Variants in RPH3AL observed in about 807,000 individuals in gnomAD.
The protein encoded by RPH3AL is rab effector Noc2.
In RPH3AL, 38 loss-of-function variants were observed where a neutral mutation model predicts 43.1. That is an observed-to-expected ratio of 0.88 (90% CI 0.68 to 1.15). The LOEUF (loss-of-function observed/expected upper bound fraction) is 1.15. Ranked by LOEUF, RPH3AL falls within the 50% of genes most tolerant of loss-of-function variation. The probability of loss-of-function intolerance (pLI) is 0.00; values close to 1 mark genes in which losing one functional copy is unlikely to be tolerated. For missense variants in RPH3AL, 462 were observed against 423.2 expected (o/e 1.09, Z -0.81); for synonymous variants, 189 against 176.3 (o/e 1.07, Z -0.57).
chr17:243,919 A>ACCTTCCTCTACTGATTAC (rs1567578617), intron 7 of RPH3AL, among the ~76,000 whole-genome samples: 6 of 140,650 alleles, frequency 4.3e-5, no homozygotes, highest in Non-Finnish European at 7.6e-5. Flanking sequence ...TCTATTGATT[A>ACCTTCCTCTACTGATTAC]CCTTCCTCTA....
chr17:214,356 G>T (rs1364097283), intron 9 of RPH3AL, among the ~76,000 whole-genome samples: 1 of 152,216 alleles, frequency 6.6e-6, no homozygotes, highest in Admixed American at 6.5e-5. Flanking sequence ...ACTGGATTTT[G>T]TCTCCCCGGA....
At chr17:315,025 T>C (rs1167914800) in intron 5 of RPH3AL, among the ~76,000 whole-genome samples, 22 of 150,644 alleles carry the variant, frequency 1.5e-4, no homozygotes, top group African/African-American at 4.7e-4. Flanking sequence ...CCACCTCCAT[T>C]GACCTGTAGT....
chr17:314,440 C>T (rs1054138731), intron 5 of RPH3AL, among the ~76,000 whole-genome samples: 2 of 151,200 alleles, frequency 1.3e-5, no homozygotes, highest in Non-Finnish European at 2.9e-5. Flanking sequence ...CCCTCTGCCC[C>T]CACCTCCATT....
At chr17:226,887 AT>A (rs904301794) in intron 7 of RPH3AL, among the ~76,000 whole-genome samples, 6 of 151,788 alleles carry the variant, frequency 4.0e-5, no homozygotes, top group African/African-American at 1.2e-4. Flanking sequence ...AGGCTGATAC[AT>A]TTTTTTTCTC....
chr17:314,977 C>A lies in RPH3AL; in HGVS notation c.351+4443G>T, dbSNP rs867430845. 2.4e-5 allele frequency among the ~76,000 whole-genome samples: 3 copies of A among 124,652 alleles called. No homozygotes were observed. In the South Asian group the frequency reaches 7.9e-4, roughly 33 times the overall value. The allele number at this position is 124,652 out of a possible 152,430, so 81.8% of individuals were successfully genotyped here. ...GCTCCACCTCCATTGACCAGTAGTC[C>A]CTGTGCCCCACCTCCATTGACCTGT... On this transcript the variant is annotated intron_variant, in intron 5 of 9. Coordinates refer to ENST00000331302, the MANE Select transcript of RPH3AL (RefSeq NM_006987.4).
At chr17:271,150 C>G (rs2042454218) in intron 6 of RPH3AL, among the ~76,000 whole-genome samples, 1 of 152,154 alleles carries the variant, frequency 6.6e-6, no homozygotes, top group Admixed American at 6.5e-5. Context: ...TGTTTTGGTA[C>G]CAGTACCATG....
In RPH3AL at chr17:270,349, G is replaced by T. The variant is rs543331189; in HGVS notation, c.438+11419C>A. On this transcript the variant is annotated intron_variant, in intron 6 of 9. Transcript: ENST00000331302. ...CGGTGAGCACAGGCCGCCTGCCCGGGAAGCAGGTGCCGCAAGGATGCTGGG... is the reference window on the plus strand; with the variant it reads ...CGGTGAGCACAGGCCGCCTGCCCGGTAAGCAGGTGCCGCAAGGATGCTGGG... Among the ~76,000 whole-genome samples the T allele has an allele frequency of 2.2e-3, 338 of 152,338 alleles. 2 individuals are homozygous for T. The highest frequency in any genetic ancestry group is 7.5e-3 in the African/African-American group (311 of 41,580).
chr17:331,829 C>A (rs1287613140), intron 2 of RPH3AL: 1 of 1,289,166 alleles, frequency 7.8e-7, no homozygotes, highest in East Asian at 5.5e-5. Context: ...GAGAGCAGTG[C>A]CCTGTGCATT....
intron 7 of RPH3AL, among the ~76,000 whole-genome samples, chr17:237,480 TGAG>T (rs1191485651): frequency 6.6e-6 from 1 of 152,248 alleles, no homozygotes; most frequent in East Asian, 1.9e-4. Context: ...CAGAGAGGCC[TGAG>T]GAGGGACAAT....
intron 5 of RPH3AL, among the ~76,000 whole-genome samples, chr17:295,976 A>G (rs1436296472): frequency 8.8e-6 from 1 of 113,676 alleles, no homozygotes; most frequent in Non-Finnish European, 1.8e-5. Context: ...AATGCACATC[A>G]GTGTGGGAGG....
chr17:268,777 T>G (rs370048824), intron 6 of RPH3AL, among the ~76,000 whole-genome samples: 8 of 152,074 alleles, frequency 5.3e-5, no homozygotes, highest in Admixed American at 3.3e-4. Flanking sequence ...TTACCCAGAC[T>G]GGTCTCAAAC....
chr17:285,034 T>C (rs1334797669), intron 5 of RPH3AL, among the ~76,000 whole-genome samples: 1 of 152,180 alleles, frequency 6.6e-6, no homozygotes, highest in South Asian at 2.1e-4. Flanking sequence ...ATATCACATC[T>C]GCGTGACGGC....
rs2044516129 is a variant in RPH3AL, at chr17:322,781, TCTGTG to T, written c.78-1371_78-1367del. Among the ~76,000 whole-genome samples the T allele has an allele frequency of 3.3e-5, 5 of 152,062 alleles. No individual in the cohort carries two copies. Among genetic ancestry groups the T allele is most frequent in the Non-Finnish European group, 7.3e-5 (5 of 68,028 alleles). ...TCCCGGCTGTTGCAGCTAACGGTTCTCTGTGGCCGACACAATAGGAGTTTGGAAAG... is the reference window on the plus strand; with the variant it reads ...TCCCGGCTGTTGCAGCTAACGGTTCTGCCGACACAATAGGAGTTTGGAAAG... On this transcript the variant is annotated intron_variant, in intron 3 of 9. Transcript: ENST00000331302. The surrounding 1 kb of genome is among the most constrained non-coding windows in gnomAD (Gnocchi z 4.0).
intron 1 of RPH3AL, chr17:338,850 C>T (rs1040687654): frequency 2.6e-5 from 4 of 152,250 alleles, no homozygotes; most frequent in Non-Finnish European, 5.9e-5. Flanking sequence ...GAAAAAGAAG[C>T]CTCAACCCTC....
At chr17:247,036 T>G (rs902589721) in intron 7 of RPH3AL, 75 bp downstream of exon 7, 4 of 1,539,014 alleles carry the variant, frequency 2.6e-6, no homozygotes, top group Non-Finnish European at 3.6e-6. Context: ...ACTGGCCTTG[T>G]GCCTGCAAAC....
intron 4 of RPH3AL, among the ~76,000 whole-genome samples, chr17:320,409 G>A (rs1339560263): frequency 1.3e-5 from 2 of 152,132 alleles, no homozygotes; most frequent in East Asian, 3.9e-4. Flanking sequence ...GCTGAGGCAG[G>A]CGGATCGCTT....
intron 2 of RPH3AL, chr17:331,245 A>C: frequency 2.6e-5 from 1 of 39,124 alleles, no homozygotes; most frequent in South Asian, 2.3e-4. Context: ...GCTTCAGGGC[A>C]GAAGAGCCAC....
At chr17:278,314 C>CCAGCCAT (rs1191439387) in intron 6 of RPH3AL, among the ~76,000 whole-genome samples, 1 of 152,182 alleles carries the variant, frequency 6.6e-6, no homozygotes, top group African/African-American at 2.4e-5. Flanking sequence ...TGAGGCCTCC[C>CCAGCCAT]CAGCCATGTG....
At chr17:315,012 G>A (rs923670904) in intron 5 of RPH3AL, among the ~76,000 whole-genome samples, 26 of 37,454 alleles carry the variant, frequency 6.9e-4, no homozygotes, top group Non-Finnish European at 9.8e-4. Context: ...TAGTCTCTGT[G>A]CTCCACCTCC....
Sources: gnomAD v4.1 joint callset for allele counts (sites outside exome capture counted in the v4.1 genomes callset) on GRCh38, gnomAD v4.1.1 for gene constraint, Gnocchi (gnomAD v3.1) non-coding constraint, MANE v1.5 for transcripts, NCBI Gene and HGNC (gene_info 2026-07-23, HGNC 2026-07-21) for gene names.